The following MED27 variants were observed in gnomAD, a reference collection of about 807,000 sequenced individuals.
MED27 encodes mediator of RNA polymerase II transcription subunit 27.
A neutral mutation model predicts 38.2 loss-of-function variants in MED27; 30 were observed. The ratio of observed to expected loss-of-function variants is 0.79; its 90% CI spans 0.59 to 1.07. The LOEUF (loss-of-function observed/expected upper bound fraction) is 1.07. MED27 is among the 50% of genes least tolerant of loss of function. MED27 has a pLI of 0.00. For missense variants in MED27, 289 were observed against 397.5 expected (o/e 0.73, Z 2.32); for synonymous variants, 122 against 153.5 (o/e 0.79, Z 1.52).
At chr9:131,950,287 G>A (rs1428422329) in intron 3 of MED27, among the ~76,000 whole-genome samples, 1 of 152,238 alleles carries the variant, frequency 6.6e-6, no homozygotes, top group Non-Finnish European at 1.5e-5. Flanking sequence ...GGTGAACTGA[G>A]ATGCAACAAT....
At chr9:132,077,383 T>C (rs1397810755) in intron 2 of MED27, 59 bp downstream of exon 2, 3 of 1,493,492 alleles carry the variant, frequency 2.0e-6, no homozygotes, top group African/African-American at 2.8e-5. Flanking sequence ...TCTGCATGTA[T>C]GGAATATAAG....
chr9:131,969,695 G>A (rs1043671083), intron 3 of MED27, among the ~76,000 whole-genome samples: 19 of 152,222 alleles, frequency 1.2e-4, no homozygotes, highest in African/African-American at 3.9e-4. Flanking sequence ...GGTGATGTGC[G>A]CCACACACAG....
chr9:131,887,208 AT>A (rs1839155357), intron 5 of MED27, among the ~76,000 whole-genome samples: 1 of 152,262 alleles, frequency 6.6e-6, no homozygotes, highest in Non-Finnish European at 1.5e-5. Context: ...ATTTAAAAAA[AT>A]CTAGAGAAAA....
intron 2 of MED27, among the ~76,000 whole-genome samples, chr9:132,047,711 C>T (rs984640466): frequency 1.3e-5 from 2 of 151,976 alleles, no homozygotes; most frequent in South Asian, 2.1e-4. Context: ...ATAGTGCATG[C>T]CCTGAATGGA....
At chr9:131,874,167 C>G (rs1438817922) in intron 6 of MED27, among the ~76,000 whole-genome samples, 1 of 152,224 alleles carries the variant, frequency 6.6e-6, no homozygotes, top group Non-Finnish European at 1.5e-5. Context: ...AACACGTTTT[C>G]CTGGCGCACG....
At chr9:132,015,116 A>T (rs552250814) in intron 2 of MED27, among the ~76,000 whole-genome samples, 1 of 152,364 alleles carries the variant, frequency 6.6e-6, no homozygotes, top group South Asian at 2.1e-4. Context: ...ACATACTATC[A>T]GTCTGCATTC....
intron 4 of MED27, among the ~76,000 whole-genome samples, chr9:131,927,336 C>T (rs1263869625): frequency 1.3e-5 from 2 of 152,184 alleles, no homozygotes; most frequent in Admixed American, 6.5e-5. Flanking sequence ...TACAAGGACA[C>T]GAGAAGTTAA....
intron 2 of MED27, among the ~76,000 whole-genome samples, chr9:132,053,260 A>T (rs1179991923): frequency 4.0e-5 from 6 of 151,770 alleles, no homozygotes; most frequent in Admixed American, 6.6e-5. Flanking sequence ...TCTCAAAAAA[A>T]AAAAAAAAAG....
At chr9:132,041,209 C>A (rs1428252587) in intron 2 of MED27, among the ~76,000 whole-genome samples, 1 of 152,212 alleles carries the variant, frequency 6.6e-6, no homozygotes, top group Admixed American at 6.5e-5. Flanking sequence ...AGGGAGACGA[C>A]AAGCTCGCTA....
rs1199484973 is a variant in MED27, at chr9:132,051,925, T to A, written c.348+25517A>T. On this transcript the variant is annotated intron_variant, in intron 2 of 7. Coordinates refer to ENST00000292035, the MANE Select transcript of MED27 (RefSeq NM_004269.4). The surrounding 1 kb of genome is among the most constrained non-coding windows in gnomAD (Gnocchi z 4.2). ...TGCCATTTTAACTACGATGAGAAAGTTTAGCTTATAATAGTTGATCAAAAG... is the reference window on the plus strand; with the variant it reads ...TGCCATTTTAACTACGATGAGAAAGATTAGCTTATAATAGTTGATCAAAAG... Among the ~76,000 whole-genome samples, 1 of 152,054 alleles carries A rather than the reference T, an allele frequency of 6.6e-6. No homozygotes were observed. Among genetic ancestry groups the A allele is most frequent in the East Asian group, 1.9e-4 (1 of 5,196 alleles).
At chr9:131,994,335 C>T (rs1832044175) in intron 3 of MED27, among the ~76,000 whole-genome samples, 1 of 152,122 alleles carries the variant, frequency 6.6e-6, no homozygotes, top group South Asian at 2.1e-4. Context: ...TAGGGAAGGC[C>T]GAATGGAAGT....
intron 4 of MED27, among the ~76,000 whole-genome samples, chr9:131,903,047 C>G (rs922425830): frequency 6.6e-6 from 1 of 151,702 alleles, no homozygotes; most frequent in Non-Finnish European, 1.5e-5. Context: ...AGCACCACAT[C>G]TGAACCATGA....
intron 3 of MED27, among the ~76,000 whole-genome samples, chr9:132,006,805 C>G (rs1410699603): frequency 6.6e-6 from 1 of 152,174 alleles, no homozygotes; most frequent in Non-Finnish European, 1.5e-5. Flanking sequence ...ACGATCACCC[C>G]CCCTTCATGC....
intron 4 of MED27, among the ~76,000 whole-genome samples, chr9:131,931,452 C>G (rs1032032639): frequency 6.6e-6 from 1 of 151,818 alleles, no homozygotes; most frequent in Non-Finnish European, 1.5e-5. Flanking sequence ...TCAAAACAAC[C>G]AGAAAACAGC....
rs1831670775 is a variant in MED27 at position 131,978,838 on chromosome 9, G to A, written c.479+35499C>T. Among the ~76,000 whole-genome samples, 2 of 152,308 alleles carry A rather than the reference G, an allele frequency of 1.3e-5. 1 individual carries two copies. On this transcript the variant is annotated intron_variant, in intron 3 of 7. Coordinates refer to ENST00000292035, the MANE Select transcript of MED27 (RefSeq NM_004269.4). ...GCTGGAGAAACCATCGCAAGAGGGC[G>A]TTTTATTCAGGTTTCAATTGTGTAT...
At chr9:131,866,169 C>T (rs952325185) in intron 6 of MED27, among the ~76,000 whole-genome samples, 1 of 152,210 alleles carries the variant, frequency 6.6e-6, no homozygotes, top group African/African-American at 2.4e-5. Flanking sequence ...GCTTCCTGAT[C>T]TTTATTTGAG....
intron 4 of MED27, among the ~76,000 whole-genome samples, chr9:131,918,112 A>G (rs1312166778): frequency 6.6e-6 from 1 of 152,224 alleles, no homozygotes; most frequent in Non-Finnish European, 1.5e-5. Flanking sequence ...CCATTGAAAT[A>G]TACCTGCTAG....
At chr9:132,072,896 G>A (rs745708392) in intron 2 of MED27, among the ~76,000 whole-genome samples, 5 of 151,938 alleles carry the variant, frequency 3.3e-5, no homozygotes, top group Non-Finnish European at 7.4e-5. Flanking sequence ...AGTAGAAATC[G>A]GTTATACGTA....
At chr9:132,068,461 T>C (rs1299771171) in intron 2 of MED27, among the ~76,000 whole-genome samples, 1 of 151,746 alleles carries the variant, frequency 6.6e-6, no homozygotes, top group Non-Finnish European at 1.5e-5. Context: ...GAAAATAGAT[T>C]AGAAAGGGTA....
Sources: gnomAD v4.1 joint callset for allele counts (sites outside exome capture counted in the v4.1 genomes callset) on GRCh38, gnomAD v4.1.1 for gene constraint, Gnocchi (gnomAD v3.1) non-coding constraint, MANE v1.5 for transcripts, NCBI Gene and HGNC (gene_info 2026-07-23, HGNC 2026-07-21) for gene names.